Variants in SDK1 observed in about 807,000 individuals in gnomAD.
SDK1 encodes the protein sidekick cell adhesion molecule 1.
In SDK1, 157 loss-of-function variants were observed where a neutral mutation model predicts 245.5. The ratio of observed to expected loss-of-function variants is 0.64; its 90% confidence interval spans 0.56 to 0.73. The LOEUF is 0.73. Ranked by LOEUF, SDK1 falls within the 30% of genes least tolerant of loss-of-function variation. SDK1 has a pLI of 0.00. For missense variants in SDK1, 3,583 were observed against 3,002.3 expected (o/e 1.19, Z -4.52); for synonymous variants, 1,647 against 1,278.5 (o/e 1.29, Z -6.15).
chr7:3,439,848 G>C (rs773967567), intron 1 of SDK1, among the ~76,000 whole-genome samples: 1 of 152,220 alleles, frequency 6.6e-6, no homozygotes, highest in Admixed American at 6.5e-5. Context: ...TTGCTTACTA[G>C]AGGGCACTGT....
At chr7:3,742,148 T>A (rs1386279885) in intron 4 of SDK1, among the ~76,000 whole-genome samples, 1 of 151,170 alleles carries the variant, frequency 6.6e-6, no homozygotes, top group Non-Finnish European at 1.5e-5. Context: ...TTTTTTTTTT[T>A]ACCCCCATTT....
At position 3,833,848 on chromosome 7, in the gene SDK1, C is replaced by G. The variant is rs147223499; in HGVS notation, c.847+12265C>G. Among the ~76,000 whole-genome samples the G allele has an allele frequency of 5.6e-4, 86 of 152,278 alleles. 1 individual carries two copies. Among genetic ancestry groups the G allele is most frequent in the African/African-American group, 1.9e-3 (80 of 41,560 alleles). ...CTTGATGAAAATCTAGGAAGCAGTT[C>G]TACTTGAACCCTAGCCTGGCATTAG... On this transcript the variant is annotated intron_variant, in intron 5 of 44. Transcript: ENST00000404826.
intron 29 of SDK1, among the ~76,000 whole-genome samples, chr7:4,147,393 A>G (rs1780052001): frequency 6.6e-6 from 1 of 152,046 alleles, no homozygotes. Flanking sequence ...TTGGCCGCCC[A>G]AAGTGCTGGG....
chr7:3,509,733 G>A (rs1782516363), intron 1 of SDK1, among the ~76,000 whole-genome samples: 1 of 152,168 alleles, frequency 6.6e-6, no homozygotes, highest in African/African-American at 2.4e-5. Context: ...AGCCAGACAT[G>A]GGTGTTTTCT....
At chr7:4,184,934 T>C (rs991486006) in intron 35 of SDK1, among the ~76,000 whole-genome samples, 2 of 152,180 alleles carry the variant, frequency 1.3e-5, no homozygotes, top group African/African-American at 4.8e-5. Flanking sequence ...TTCATCAAGG[T>C]GGCCATACAG....
chr7:3,632,266 G>C (rs984486776), intron 2 of SDK1, among the ~76,000 whole-genome samples: 1 of 152,154 alleles, frequency 6.6e-6, no homozygotes, highest in Non-Finnish European at 1.5e-5. Context: ...ATTTAATAAG[G>C]AAAAGTAGGA....
intron 5 of SDK1, among the ~76,000 whole-genome samples, chr7:3,907,248 T>C (rs1001785600): frequency 1.3e-5 from 2 of 152,206 alleles, no homozygotes; most frequent in Non-Finnish European, 2.9e-5. Context: ...AAATGTTTTA[T>C]CACCCAAACA....
intron 5 of SDK1, among the ~76,000 whole-genome samples, chr7:3,891,067 T>C (rs1208073164): frequency 6.6e-6 from 1 of 152,098 alleles, no homozygotes; most frequent in Non-Finnish European, 1.5e-5. Flanking sequence ...GCCATCACTG[T>C]CTAGAGCACA....
chr7:4,187,302 C>T (rs906794748), intron 35 of SDK1, among the ~76,000 whole-genome samples: 11 of 152,198 alleles, frequency 7.2e-5, no homozygotes, highest in African/African-American at 2.7e-4. Flanking sequence ...ACTATGGGTC[C>T]AGCACCTTGC....
At chr7:3,875,173 GTCTA>G (rs1378241774) in intron 5 of SDK1, among the ~76,000 whole-genome samples, 2 of 152,098 alleles carry the variant, frequency 1.3e-5, no homozygotes, top group Non-Finnish European at 2.9e-5. Flanking sequence ...CCCTGGAAAT[GTCTA>G]TCTCTTTCTG....
At chr7:3,756,676 C>T (rs1162551375) in intron 4 of SDK1, among the ~76,000 whole-genome samples, 1 of 152,030 alleles carries the variant, frequency 6.6e-6, no homozygotes, top group Non-Finnish European at 1.5e-5. Flanking sequence ...TCTTCTTGGT[C>T]TCCTCCAATC....
At chr7:3,361,312 A>G (rs552044592) in intron 1 of SDK1, among the ~76,000 whole-genome samples, 9 of 152,216 alleles carry the variant, frequency 5.9e-5, no homozygotes, top group Non-Finnish European at 1.0e-4. Context: ...TAAATTTTTA[A>G]ACACTTATGG....
chr7:3,579,853 C>A (rs944551808), intron 1 of SDK1, among the ~76,000 whole-genome samples: 2 of 152,190 alleles, frequency 1.3e-5, no homozygotes, highest in South Asian at 2.1e-4. Flanking sequence ...CATAAAAAAA[C>A]TGGGTAAAGT....
chr7:3,857,321 A>G (rs1780572250), intron 5 of SDK1, among the ~76,000 whole-genome samples: 1 of 152,156 alleles, frequency 6.6e-6, no homozygotes, highest in Non-Finnish European at 1.5e-5. Flanking sequence ...AACTGAAAAG[A>G]AAAAGGTATA....
chr7:4,001,294 G>A (rs749196750), intron 14 of SDK1, among the ~76,000 whole-genome samples: 9 of 152,188 alleles, frequency 5.9e-5, no homozygotes, highest in Non-Finnish European at 8.8e-5. Context: ...ACCCAAGATC[G>A]AGTTCCCCAA....
At position 4,264,940 on chromosome 7, in the gene SDK1, T is replaced by C. The variant is rs1318869705; in HGVS notation, c.6382-184T>C. ...CACACCTGGATCAGGGAGGGGGACC[T>C]GGGGGCTGCCTGCTCTCCTGTGTGG... On this transcript the variant is annotated intron_variant, in intron 44 of 44. Coordinates refer to ENST00000404826, the MANE Select transcript of SDK1 (RefSeq NM_152744.4). 3.0e-5 allele frequency among the ~76,000 whole-genome samples: 3 copies of C among 100,180 alleles called. No individual in the cohort carries two copies. In the East Asian group the frequency reaches 7.8e-4, roughly 26 times the overall value. The allele number at this position is 100,180 out of a possible 152,430, so 65.7% of individuals were successfully genotyped here.
intron 1 of SDK1, among the ~76,000 whole-genome samples, chr7:3,333,814 G>T (rs73046689): frequency 0.14 from 21,668 of 152,178 alleles, 2,366 homozygotes; most frequent in African/African-American, 0.31. Context: ...TTGGTGAATT[G>T]TTGAGGGTAC....
intron 1 of SDK1, among the ~76,000 whole-genome samples, chr7:3,408,445 C>T (rs1779109227): frequency 6.6e-6 from 1 of 152,068 alleles, no homozygotes; most frequent in Non-Finnish European, 1.5e-5. Context: ...AGAGCATTGG[C>T]TTTAATTATT....
chr7:3,580,993 A>C (rs1318614132), intron 1 of SDK1, among the ~76,000 whole-genome samples: 1 of 135,726 alleles, frequency 7.4e-6, no homozygotes, highest in Non-Finnish European at 1.6e-5. Flanking sequence ...AAAAAAAAAA[A>C]ACCAAAACAA....
Sources: allele counts gnomAD v4.1 joint callset (sites outside exome capture counted in the v4.1 genomes callset), GRCh38; gene constraint gnomAD v4.1.1; transcripts MANE v1.5; gene names NCBI Gene and HGNC (gene_info 2026-07-23, HGNC 2026-07-21).